Variants in LARP4 observed in about 807,000 individuals in gnomAD.
LARP4 encodes the protein la-related protein 4.
Under a neutral mutation model 92.9 loss-of-function variants are expected in LARP4, and 29 were observed. The observed-to-expected ratio is 0.31, with a 90% CI of 0.23 to 0.43. LARP4 has a LOEUF of 0.43. Ranked by LOEUF, LARP4 falls within the 20% of genes least tolerant of loss-of-function variation. The pLI, the probability that LARP4 is intolerant of heterozygous loss-of-function variation, is 1.00. For synonymous variants in LARP4, 279 were observed against 284.1 expected, an observed-to-expected ratio of 0.98 and a Z score of 0.18; for missense variants, 732 against 860.0, an observed-to-expected ratio of 0.85 and a Z score of 1.86.
chr12:50,465,228 C>T (rs60743903), intron 12 of LARP4, among the ~76,000 whole-genome samples: 14,945 of 151,546 alleles, frequency 0.099, 1,485 homozygotes, highest in East Asian at 0.45. Flanking sequence ...AAAAATTAGC[C>T]GGGTATGGTG....
chr12:50,469,026 G>A (rs1274818855), intron 13 of LARP4, among the ~76,000 whole-genome samples: 1 of 150,658 alleles, frequency 6.6e-6, no homozygotes, highest in African/African-American at 2.4e-5. Flanking sequence ...TCTCACTCTT[G>A]TTTCACTCTT....
intron 14 of LARP4, among the ~76,000 whole-genome samples, chr12:50,473,762 A>G (rs1957199357): frequency 8.3e-6 from 1 of 120,796 alleles, no homozygotes; most frequent in South Asian, 3.1e-4. Flanking sequence ...GCTAATCAGG[A>G]GGCTAAGGCA....
intron 1 of LARP4, among the ~76,000 whole-genome samples, chr12:50,418,277 C>T (rs1328510824): frequency 6.6e-6 from 1 of 152,032 alleles, no homozygotes; most frequent in Middle Eastern, 3.2e-3. Flanking sequence ...GCTGGGATTA[C>T]AGGCGTGAGC....
rs148762358 is a variant in LARP4, at chr12:50,419,180, G to A, written c.19-8582G>A. On this transcript the variant is annotated intron_variant, in intron 1 of 15. Coordinates refer to ENST00000398473, the MANE Select transcript of LARP4 (RefSeq NM_052879.5). Reference sequence around the variant, plus strand: ...ATTCAAGACCAGCCTAGGCAACATGGCAAAATCCCATCTCTGTAAAAAATA... The same window carrying A: ...ATTCAAGACCAGCCTAGGCAACATGACAAAATCCCATCTCTGTAAAAAATA... Among the ~76,000 whole-genome samples the A allele has an allele frequency of 2.2e-3, 336 of 151,968 alleles. 1 individual carries two copies. Among genetic ancestry groups the A allele is most frequent in the Middle Eastern group, 0.014 (4 of 294 alleles).
chr12:50,404,463 G>A (rs1944419730), intron 1 of LARP4, among the ~76,000 whole-genome samples: 1 of 152,146 alleles, frequency 6.6e-6, no homozygotes, highest in Non-Finnish European at 1.5e-5. Context: ...GCAGAGGCAG[G>A]AGTTTCGCTT....
Position 50,427,829 on chromosome 12 carries a change from A to C in LARP4, c.86A>C (p.Asn29Thr), listed in dbSNP as rs1209151931. 3 of 1,603,804 alleles carry C rather than the reference A, an allele frequency of 1.9e-6. No individual in the cohort carries two copies. The highest frequency in any genetic ancestry group is 2.6e-6 in the Non-Finnish European group (3 of 1,172,896). The change falls in exon 2 of 16, where the codon AAT (asparagine) becomes ACT (threonine). Residue 29 changes from asparagine (N) to threonine (T), a missense_variant. Physicochemically the swap from Asn to Thr is moderately conservative, Grantham distance 65. Coordinates refer to ENST00000398473, the MANE Select transcript of LARP4 (RefSeq NM_052879.5). ...GTATGGCAAGAAATTGCTCCTGGAA[A>C]TACTGATGCCACCCCAGTAACTCAT... ...AKVWQEIAPGNTDATPVTHGT... is the reference protein window; with the variant it reads ...AKVWQEIAPGTTDATPVTHGT...
At position 50,464,112 on chromosome 12, in the gene LARP4, C is replaced by T. The variant is rs570179461; in HGVS notation, c.1383+1482C>T. On this transcript the variant is annotated intron_variant, in intron 12 of 15. Coordinates refer to ENST00000398473, the MANE Select transcript of LARP4 (RefSeq NM_052879.5). ...TTCAGTTATCTTTATAGCAGTGCTCCACTCCTCAGTACCAATTTTCGTTAA... is the reference window on the plus strand; with the variant it reads ...TTCAGTTATCTTTATAGCAGTGCTCTACTCCTCAGTACCAATTTTCGTTAA... 2.6e-5 allele frequency among the ~76,000 whole-genome samples: 4 copies of T among 152,280 alleles called. No homozygotes were observed. The South Asian group carries it at 8.3e-4, about 32-fold the overall frequency.
At chr12:50,435,751 G>A (rs1357458248) in intron 5 of LARP4, 127 bp downstream of exon 5, 17 of 667,096 alleles carry the variant, frequency 2.5e-5, no homozygotes, top group South Asian at 7.2e-5. Flanking sequence ...GTTTTGTTCC[G>A]AATTCTCTCT....
intron 2 of LARP4, among the ~76,000 whole-genome samples, chr12:50,428,322 C>T (rs1949131081): frequency 6.6e-6 from 1 of 152,160 alleles, no homozygotes; most frequent in Non-Finnish European, 1.5e-5. Flanking sequence ...ACCACCATGC[C>T]TGGCCAGGAT....
chr12:50,463,114 A>G (rs959657721), intron 12 of LARP4, among the ~76,000 whole-genome samples: 2 of 151,846 alleles, frequency 1.3e-5, no homozygotes, highest in African/African-American at 4.8e-5. Flanking sequence ...TGCAGCCTTC[A>G]CATCCCAGGC....
chr12:50,454,441 A>T, intron 10 of LARP4, 24 bp downstream of exon 10: 1 of 1,538,084 alleles, frequency 6.5e-7, no homozygotes, highest in Non-Finnish European at 9.0e-7. Flanking sequence ...CATAGCTGTA[A>T]TGTATTTTAA....
intron 12 of LARP4, among the ~76,000 whole-genome samples, chr12:50,464,155 G>A (rs760299512): frequency 6.6e-5 from 10 of 152,224 alleles, no homozygotes; most frequent in South Asian, 2.1e-4. Context: ...TCACATTGCT[G>A]TAAAGAAATA....
intron 10 of LARP4, among the ~76,000 whole-genome samples, chr12:50,460,137 CAAA>C (rs201843418): frequency 1.5e-4 from 18 of 117,602 alleles, no homozygotes; most frequent in Admixed American, 1.7e-4. Context: ...TCCATCTCAC[CAAA>C]AAAAAAAAAA....
intron 1 of LARP4, among the ~76,000 whole-genome samples, chr12:50,407,220 T>C (rs1007391493): frequency 6.6e-6 from 1 of 151,968 alleles, no homozygotes; most frequent in East Asian, 1.9e-4. Context: ...GAGACGGAGT[T>C]TCACCATATT....
At chr12:50,424,899 C>G (rs1008403804) in intron 1 of LARP4, among the ~76,000 whole-genome samples, 2 of 151,858 alleles carry the variant, frequency 1.3e-5, no homozygotes, top group African/African-American at 2.4e-5. Context: ...GTAATCCCAG[C>G]ACTTTGGGAG....
At chr12:50,403,150 T>C (rs1441142602) in intron 1 of LARP4, among the ~76,000 whole-genome samples, 2 of 152,252 alleles carry the variant, frequency 1.3e-5, no homozygotes, top group Non-Finnish European at 2.9e-5. Flanking sequence ...GTCTGACTTC[T>C]AGAACATAAA....
chr12:50,472,752 G>T (rs952876961), intron 13 of LARP4, among the ~76,000 whole-genome samples: 11 of 151,692 alleles, frequency 7.3e-5, no homozygotes, highest in Non-Finnish European at 1.3e-4. Flanking sequence ...GGCTCAAGCA[G>T]TCCTCCCGCC....
chr12:50,442,238 T>C (rs1038814758), intron 8 of LARP4, among the ~76,000 whole-genome samples: 2 of 152,296 alleles, frequency 1.3e-5, no homozygotes, highest in South Asian at 4.1e-4. Flanking sequence ...GCAATAGAAA[T>C]AATTTTTAGT....
At chr12:50,442,105 T>A (rs914168268) in intron 8 of LARP4, among the ~76,000 whole-genome samples, 6 of 152,186 alleles carry the variant, frequency 3.9e-5, no homozygotes, top group Non-Finnish European at 8.8e-5. Context: ...CAGAAAATCC[T>A]TTGATAAGCC....
Sources: allele counts gnomAD v4.1 joint callset (sites outside exome capture counted in the v4.1 genomes callset), GRCh38; gene constraint gnomAD v4.1.1; transcripts MANE v1.5; gene names NCBI Gene and HGNC (gene_info 2026-07-23, HGNC 2026-07-21).